FAM78A: variants seen among roughly 807,000 people sequenced by gnomAD.
The protein encoded by FAM78A is family with sequence similarity 78 member A.
In FAM78A, 12 loss-of-function variants were observed where a neutral mutation model predicts 22.6. The observed-to-expected ratio is 0.53, with a 90% CI of 0.34 to 0.86. The LOEUF (loss-of-function observed/expected upper bound fraction) is 0.86. Ranked by LOEUF, FAM78A falls within the 40% of genes least tolerant of loss-of-function variation. FAM78A has a pLI of 0.02. For missense variants in FAM78A, 322 were observed against 396.1 expected, an observed-to-expected ratio of 0.81 and a Z score of 1.59; for synonymous variants, 151 against 155.8, an observed-to-expected ratio of 0.97 and a Z score of 0.23.
intron 1 of FAM78A, among the ~76,000 whole-genome samples, chr9:131,273,101 C>T (rs1835439859): frequency 6.6e-6 from 1 of 152,314 alleles, no homozygotes. Flanking sequence ...TTTGGTAACT[C>T]GGCCCCTTAG....
chr9:131,272,720 C>T lies in FAM78A; in HGVS notation c.323+3137G>A, dbSNP rs1385216001. ...CCAAGGCAGGCAGATCACCTGAGGTCAGGAGTTCGAGACCATCCTGGCCAA... is the reference window on the plus strand; with the variant it reads ...CCAAGGCAGGCAGATCACCTGAGGTTAGGAGTTCGAGACCATCCTGGCCAA... On this transcript the variant is annotated intron_variant, in intron 1 of 1. Transcript: ENST00000372271. This position sits in a 1 kb window ranked among gnomAD's most constrained non-coding sequence, Gnocchi z 4.1. Among the ~76,000 whole-genome samples the T allele has an allele frequency of 6.6e-6, 1 of 152,176 alleles. No individual in the cohort carries two copies. Among genetic ancestry groups the T allele is most frequent in the Non-Finnish European group, 1.5e-5 (1 of 68,032 alleles).
Position 131,276,057 on chromosome 9 carries a change from A to G in FAM78A, c.123T>C (p.Ile41=), listed in dbSNP as rs1406516626. The change falls in exon 1 of 2, where the codon ATT becomes ATC. Residue 41 remains isoleucine, a synonymous_variant. Transcript: ENST00000372271. The surrounding 1 kb of genome is among the most constrained non-coding windows in gnomAD (Gnocchi z 4.3). ...ARVFREGITV[I]DVKASIDPVP... The stretch of plus-strand genomic sequence containing the variant: ...CGGGGTCGATGGAGGCTTTCACATC[A>G]ATCACCGTGATCCCTTCCCGGAAGA... The G allele has an allele frequency of 6.2e-7, 1 of 1,613,684 alleles. No individual in the cohort carries two copies.
chr9:131,267,798 C>T (rs1436976587), intron 1 of FAM78A, among the ~76,000 whole-genome samples: 2 of 152,112 alleles, frequency 1.3e-5, no homozygotes, highest in African/African-American at 4.8e-5. Flanking sequence ...GTAATCCCAG[C>T]ACTTTGGGAG....
At position 131,260,566 on chromosome 9, in the gene FAM78A, G is replaced by C; in HGVS notation, c.*256C>G. On this transcript the variant is annotated 3_prime_UTR_variant, in exon 2 of 2. Coordinates refer to ENST00000372271, the MANE Select transcript of FAM78A (RefSeq NM_033387.4). The surrounding 1 kb of genome is among the most constrained non-coding windows in gnomAD (Gnocchi z 5.4). ...AGTGAGCGACTGAAACTGAGAAAAA[G>C]GAGAGGCAAGGAGACCAGAGGTCAC... The C allele has an allele frequency of 2.6e-6, 1 of 384,838 alleles. No homozygotes were observed. Among genetic ancestry groups the C allele is most frequent in the Non-Finnish European group, 4.6e-6 (1 of 217,270 alleles). The allele number at this position is 384,838 out of a possible 1,614,324, so 23.8% of individuals were successfully genotyped here. A position where few individuals can be genotyped will look rare whatever the true frequency, so the allele number is the denominator to read the frequency against.
rs1835467452 is a variant in FAM78A, at chr9:131,275,206, C to T, written c.323+651G>A. Among the ~76,000 whole-genome samples, 1 of 152,210 alleles carries T rather than the reference C, an allele frequency of 6.6e-6. No individual in the cohort carries two copies. Among genetic ancestry groups the T allele is most frequent in the Admixed American group, 6.5e-5 (1 of 15,280 alleles). ...CTCTTTGCTGTTCCTGTTAGGGCCT[C>T]GCCAGAGGGACACTGGACTTGTCTG... On this transcript the variant is annotated intron_variant, in intron 1 of 1. Coordinates refer to ENST00000372271, the MANE Select transcript of FAM78A (RefSeq NM_033387.4). The surrounding 1 kb of genome is among the most constrained non-coding windows in gnomAD (Gnocchi z 4.6).
chr9:131,264,733 T>C (rs1835322434), intron 1 of FAM78A: 2 of 645,018 alleles, frequency 3.1e-6, no homozygotes, highest in African/African-American at 3.7e-5. Context: ...GACCTTTTTT[T>C]TTTTTTTTGA....
At position 131,261,174 on chromosome 9, in the gene FAM78A, G is replaced by A. The variant is rs1433327102; in HGVS notation, c.500C>T (p.Thr167Ile). 1.2e-6 allele frequency: 2 copies of A among 1,614,124 alleles called. No homozygotes were observed. The highest frequency in any genetic ancestry group is 1.7e-6 in the Non-Finnish European group (2 of 1,180,026). ...GCTCTCGCTGACGGGCACGGCCCAT[G>A]TGACGCTGGGGTAAAAGTTGTCATT... is the stretch of plus-strand genomic sequence containing the variant. ...SMNDNFYPSVTWAVPVSESNV... is the reference protein window; with the variant it reads ...SMNDNFYPSVIWAVPVSESNV... The change falls in exon 2 of 2, where the codon ACA (threonine) becomes ATA (isoleucine). Residue 167 changes from threonine (T) to isoleucine (I), a missense_variant. Thr to Ile is a moderately conservative substitution (Grantham distance 89). Coordinates refer to ENST00000372271, the MANE Select transcript of FAM78A (RefSeq NM_033387.4). The surrounding 1 kb of genome is among the most constrained non-coding windows in gnomAD (Gnocchi z 7.1).
chr9:131,277,960 T>TCGC (rs1300073106), upstream of FAM78A, among the ~76,000 whole-genome samples: 15 of 145,674 alleles, frequency 1.0e-4, no homozygotes, highest in African/African-American at 3.2e-4. This position sits in a 1 kb window ranked among gnomAD's most constrained non-coding sequence, Gnocchi z 8.4. Context: ...CCGCGTCCGC[T>TCGC]CGCCGCCGCC....
chr9:131,267,596 A>C (rs1043761536), intron 1 of FAM78A, among the ~76,000 whole-genome samples: 3 of 152,216 alleles, frequency 2.0e-5, no homozygotes, highest in Non-Finnish European at 4.4e-5. Flanking sequence ...GATATGCTAT[A>C]TATACAGATA....
At chr9:131,269,827 C>T (rs564415303) in intron 1 of FAM78A, among the ~76,000 whole-genome samples, 1 of 152,052 alleles carries the variant, frequency 6.6e-6, no homozygotes, top group Non-Finnish European at 1.5e-5. Context: ...CATTAACTCA[C>T]TTGTTCAGTA....
rs545495414 is a variant in FAM78A, at chr9:131,272,245, A to T, written c.323+3612T>A. 6.6e-6 allele frequency among the ~76,000 whole-genome samples: 1 copy of T among 152,232 alleles called. No individual in the cohort carries two copies. Among genetic ancestry groups the T allele is most frequent in the African/African-American group, 2.4e-5 (1 of 41,470 alleles). ...TACCTAGCTGTCCCTTCCCCGGGCC[A>T]CTAAAGCACAGGGCCTGGGTTTCAT... On this transcript the variant is annotated intron_variant, in intron 1 of 1. Coordinates refer to ENST00000372271, the MANE Select transcript of FAM78A (RefSeq NM_033387.4). This position sits in a 1 kb window ranked among gnomAD's most constrained non-coding sequence, Gnocchi z 4.1.
At chr9:131,262,386 G>C (rs1376002296) in intron 1 of FAM78A, among the ~76,000 whole-genome samples, 1 of 150,706 alleles carries the variant, frequency 6.6e-6, no homozygotes, top group Non-Finnish European at 1.5e-5. Flanking sequence ...TGAGGCAGAA[G>C]AATTGCTTGA....
upstream of FAM78A, chr9:131,276,602 C>T (rs145224800): frequency 1.4e-3 from 222 of 155,422 alleles, 1 homozygote; most frequent in Non-Finnish European, 2.4e-3. This position sits in a 1 kb window ranked among gnomAD's most constrained non-coding sequence, Gnocchi z 4.3. Context: ...ACTTCCTGCC[C>T]TCCGGCCTTC....
At chr9:131,270,328 ACGCTTCCTTCCCC>A (rs1835401513) in intron 1 of FAM78A, 1 of 717,496 alleles carries the variant, frequency 1.4e-6, no homozygotes, top group Non-Finnish European at 2.6e-6. Context: ...ACAGGTGAAG[ACGCTTCCTTCCCC>A]CAAACACTGG....
Position 131,276,130 on chromosome 9 carries a change from A to C in FAM78A, c.50T>G (p.Leu17Arg). 6.2e-7 allele frequency: 1 copy of C among 1,613,560 alleles called. No homozygotes were observed. The highest frequency in any genetic ancestry group is 8.5e-7 in the Non-Finnish European group (1 of 1,179,996). Reference sequence around the variant, plus strand: ...CTGAATACAGCCCATGGCATACAGGAGCGCTCTGATCTCCAGGGAAGGCCA... The same window carrying C: ...CTGAATACAGCCCATGGCATACAGGCGCGCTCTGATCTCCAGGGAAGGCCA... ...DCWPSLEIRA[L>R]LYAMGCIQSI... Residue 17 changes from leucine to arginine, a missense_variant, in exon 1 of 2, where the codon CTC becomes CGC. Physicochemically the swap from Leu to Arg is moderately radical, Grantham distance 102. Coordinates refer to ENST00000372271, the MANE Select transcript of FAM78A (RefSeq NM_033387.4). The surrounding 1 kb of genome is among the most constrained non-coding windows in gnomAD (Gnocchi z 4.3).
rs1379923666 is a variant in FAM78A at position 131,272,505 on chromosome 9, G to A, written c.323+3352C>T. Among the ~76,000 whole-genome samples the A allele has an allele frequency of 1.3e-5, 2 of 152,252 alleles. No individual in the cohort carries two copies. The highest frequency in any genetic ancestry group is 2.9e-5 in the Non-Finnish European group (2 of 68,044). ...ATTACCTGACCCTGGGCCAGGCAGA[G>A]CAGAGGAACAATTCTGGGCTGGTTG... On this transcript the variant is annotated intron_variant, in intron 1 of 1. Transcript: ENST00000372271. This position sits in a 1 kb window ranked among gnomAD's most constrained non-coding sequence, Gnocchi z 4.1.
intron 1 of FAM78A, among the ~76,000 whole-genome samples, chr9:131,268,332 G>A (rs1353027132): frequency 9.7e-5 from 13 of 133,706 alleles, no homozygotes; most frequent in Non-Finnish European, 1.9e-4. Context: ...CCGCACTGCC[G>A]CCCCCCTGGG....
In FAM78A at chr9:131,272,212, GCT is replaced by G. The variant is rs1227123137; in HGVS notation, c.323+3643_323+3644del. Among the ~76,000 whole-genome samples the G allele has an allele frequency of 2.6e-5, 4 of 152,202 alleles. No individual in the cohort carries two copies. Among genetic ancestry groups the G allele is most frequent in the African/African-American group, 9.7e-5 (4 of 41,448 alleles). On this transcript the variant is annotated intron_variant, in intron 1 of 1. Coordinates refer to ENST00000372271, the MANE Select transcript of FAM78A (RefSeq NM_033387.4). This position sits in a 1 kb window ranked among gnomAD's most constrained non-coding sequence, Gnocchi z 4.1. The stretch of plus-strand genomic sequence containing the variant: ...TGTAAAGAATGAAAGCCCTAACCTA[GCT>G]CTCGCTACCTAGCTGTCCCTTCCCC...
chr9:131,264,758 C>G lies in FAM78A; in HGVS notation c.324-3408G>C. The G allele has an allele frequency of 4.9e-6, 3 of 610,720 alleles. No homozygotes were observed. The South Asian group carries it at 5.9e-5, about 12-fold the overall frequency. 37.8% of individuals were successfully genotyped at this position (610,720 alleles called of 1,614,324 possible). ...TTTTTTTTTGAGACAGAGTCTCACTCTGTCACTCAGGCTGGAGTGCAGTGG... is the reference window on the plus strand; with the variant it reads ...TTTTTTTTTGAGACAGAGTCTCACTGTGTCACTCAGGCTGGAGTGCAGTGG... On this transcript the variant is annotated intron_variant, in intron 1 of 1. Transcript: ENST00000372271.
Sources: gnomAD v4.1 joint callset for allele counts (sites outside exome capture counted in the v4.1 genomes callset) on GRCh38, gnomAD v4.1.1 for gene constraint, Gnocchi (gnomAD v3.1) non-coding constraint, MANE v1.5 for transcripts, NCBI Gene and HGNC (gene_info 2026-07-23, HGNC 2026-07-21) for gene names.